Variants in EXOC4 observed in about 807,000 individuals in gnomAD.
EXOC4 encodes exocyst complex component 4, also known as SEC8-like 1.
A neutral mutation model predicts 107.2 loss-of-function variants in EXOC4; 71 were observed. The observed-to-expected ratio is 0.66, with a 90% CI of 0.55 to 0.81. EXOC4 has a LOEUF of 0.81. Among genes scored for constraint, EXOC4 ranks in the 30% least tolerant of loss-of-function variants. The probability of loss-of-function intolerance (pLI) is 0.00; values close to 1 mark genes in which losing one functional copy is unlikely to be tolerated. For missense variants in EXOC4, 1,108 were observed against 1,189.6 expected, an observed-to-expected ratio of 0.93 and a Z score of 1.01; for synonymous variants, 456 against 441.2, an observed-to-expected ratio of 1.03 and a Z score of -0.42.
At chr7:133,922,124 G>A (rs1421340173) in intron 13 of EXOC4, among the ~76,000 whole-genome samples, 1 of 151,482 alleles carries the variant, frequency 6.6e-6, no homozygotes, top group Non-Finnish European at 1.5e-5. Flanking sequence ...CTTTTTATTG[G>A]ATATCTATTT....
intron 7 of EXOC4, among the ~76,000 whole-genome samples, chr7:133,384,801 A>G (rs142383522): frequency 2.1e-5 from 3 of 145,406 alleles, no homozygotes; most frequent in South Asian, 4.3e-4. Flanking sequence ...GTATAGCGAT[A>G]GTTCTTCTGA....
At chr7:133,490,998 G>A (rs986218557) in intron 9 of EXOC4, among the ~76,000 whole-genome samples, 10 of 152,274 alleles carry the variant, frequency 6.6e-5, no homozygotes, top group Middle Eastern at 3.4e-3. Flanking sequence ...AGTACCTTGC[G>A]TTAAAAATAG....
At chr7:133,405,337 A>G (rs1220436757) in intron 7 of EXOC4, among the ~76,000 whole-genome samples, 1 of 152,212 alleles carries the variant, frequency 6.6e-6, no homozygotes, top group Non-Finnish European at 1.5e-5. Flanking sequence ...TCATAAAACC[A>G]ATAATAAATA....
intron 10 of EXOC4, among the ~76,000 whole-genome samples, chr7:133,762,623 A>C (rs886151516): frequency 2.0e-5 from 3 of 152,154 alleles, no homozygotes; most frequent in African/African-American, 7.2e-5. Flanking sequence ...TAACAGCAGA[A>C]AATGGAAAAC....
intron 9 of EXOC4, among the ~76,000 whole-genome samples, chr7:133,564,903 G>A (rs1373296471): frequency 2.6e-5 from 4 of 152,180 alleles, no homozygotes. Flanking sequence ...GTCAAGGTCA[G>A]TAGTCTGAAT....
intron 9 of EXOC4, among the ~76,000 whole-genome samples, chr7:133,513,191 T>C (rs995405890): frequency 2.6e-5 from 4 of 152,162 alleles, no homozygotes; most frequent in Non-Finnish European, 4.4e-5. Flanking sequence ...AATTTTTATA[T>C]ATTTACTTAT....
At chr7:133,859,754 G>C (rs1335415613) in intron 11 of EXOC4, among the ~76,000 whole-genome samples, 1 of 152,034 alleles carries the variant, frequency 6.6e-6, no homozygotes, top group Non-Finnish European at 1.5e-5. Flanking sequence ...GTTTATTTCT[G>C]ACTTTTAAGA....
chr7:133,551,638 T>G (rs552595738), intron 9 of EXOC4: 4 of 152,172 alleles, frequency 2.6e-5, no homozygotes, highest in Non-Finnish European at 5.9e-5. Context: ...AATTCCAGGA[T>G]TCTGTCACAT....
At chr7:133,896,883 G>T (rs79953420) in intron 12 of EXOC4, among the ~76,000 whole-genome samples, 1 of 37,970 alleles carries the variant, frequency 2.6e-5, no homozygotes, top group African/African-American at 5.4e-4. Flanking sequence ...CAGGCTGGTC[G>T]CGAATTCCTA....
intron 14 of EXOC4, among the ~76,000 whole-genome samples, chr7:133,941,801 G>A (rs568293000): frequency 4.7e-4 from 53 of 112,404 alleles, no homozygotes; most frequent in African/African-American, 1.6e-3. Flanking sequence ...ATATCGTCAG[G>A]TCCCAGGCAT....
intron 10 of EXOC4, 152 bp downstream of exon 10, chr7:133,630,293 T>A (rs541183611): frequency 5.1e-6 from 3 of 582,732 alleles, no homozygotes; most frequent in African/African-American, 3.7e-5. Flanking sequence ...TTAGTCAGTT[T>A]AGCAGATAAT....
At chr7:133,666,513 T>A (rs1793816835) in intron 10 of EXOC4, among the ~76,000 whole-genome samples, 1 of 152,002 alleles carries the variant, frequency 6.6e-6, no homozygotes, top group Non-Finnish European at 1.5e-5. Flanking sequence ...CCCTCCCTCT[T>A]CTCTCCTGCC....
intron 7 of EXOC4, among the ~76,000 whole-genome samples, chr7:133,382,082 A>G (rs1488295297): frequency 3.3e-5 from 5 of 152,122 alleles, no homozygotes; most frequent in Non-Finnish European, 5.9e-5. Flanking sequence ...AAGGAAGATT[A>G]ATGTGGTAGC....
intron 7 of EXOC4, among the ~76,000 whole-genome samples, chr7:133,462,344 T>C (rs1480798391): frequency 1.3e-5 from 2 of 152,162 alleles, no homozygotes; most frequent in African/African-American, 4.8e-5. Flanking sequence ...AATATAAGAA[T>C]GATTTATTCT....
chr7:134,035,921 C>G (rs1008391381), intron 17 of EXOC4, among the ~76,000 whole-genome samples: 8 of 152,202 alleles, frequency 5.3e-5, no homozygotes, highest in African/African-American at 1.9e-4. Flanking sequence ...CTCCCATGTC[C>G]TGTTGGCCAG....
intron 10 of EXOC4, among the ~76,000 whole-genome samples, chr7:133,712,084 C>T (rs925131396): frequency 1.3e-5 from 2 of 152,046 alleles, no homozygotes; most frequent in African/African-American, 4.8e-5. Context: ...TTACTTCAAG[C>T]CCACTAGGAT....
chr7:133,990,843 G>C (rs1275394337), intron 14 of EXOC4, among the ~76,000 whole-genome samples: 2 of 152,076 alleles, frequency 1.3e-5, no homozygotes, highest in East Asian at 3.8e-4. Flanking sequence ...TGGATATTTA[G>C]GCTGGTTCCC....
At chr7:133,481,566 G>A (rs1015831566) in intron 9 of EXOC4, among the ~76,000 whole-genome samples, 13 of 152,106 alleles carry the variant, frequency 8.5e-5, no homozygotes, top group Non-Finnish European at 1.5e-4. Flanking sequence ...GTTATTAATA[G>A]AATAACCTGT....
intron 11 of EXOC4, among the ~76,000 whole-genome samples, chr7:133,850,857 T>G (rs528053750): frequency 2.3e-4 from 35 of 152,274 alleles, no homozygotes; most frequent in African/African-American, 8.2e-4. Flanking sequence ...AGTTTTGCCA[T>G]CTGGAATATT....
Sources: gnomAD v4.1 joint callset for allele counts (sites outside exome capture counted in the v4.1 genomes callset) on GRCh38, gnomAD v4.1.1 for gene constraint, MANE v1.5 for transcripts, NCBI Gene and HGNC (gene_info 2026-07-23, HGNC 2026-07-21) for gene names.